The following BMPR1B variants were observed in gnomAD, a reference collection of about 807,000 sequenced individuals.
The protein encoded by BMPR1B is bone morphogenetic protein receptor type-1B.
In BMPR1B, 12 loss-of-function variants were observed where a neutral mutation model predicts 59.1. That is an observed-to-expected ratio of 0.20 (90% CI 0.13 to 0.33). The LOEUF (loss-of-function observed/expected upper bound fraction) is 0.33, where lower values mean the gene tolerates loss of function less well. Ranked by LOEUF, BMPR1B falls within the 10% of genes least tolerant of loss-of-function variation. The pLI is 1.00. For missense variants in BMPR1B, 550 were observed against 610.9 expected (o/e 0.90, Z 1.05); for synonymous variants, 237 against 207.3 (o/e 1.14, Z -1.23).
intron 1 of BMPR1B, among the ~76,000 whole-genome samples, chr4:94,843,266 G>C (rs889129778): frequency 3.3e-5 from 5 of 152,158 alleles, no homozygotes; most frequent in African/African-American, 4.8e-5. Flanking sequence ...CCTTTGCCAG[G>C]TAAATTTGTG....
At chr4:94,765,718 T>C (rs954769562) in intron 1 of BMPR1B, among the ~76,000 whole-genome samples, 1 of 152,220 alleles carries the variant, frequency 6.6e-6, no homozygotes, top group African/African-American at 2.4e-5. Context: ...TGAGGTAATA[T>C]GAGCTATTCG....
At chr4:94,888,069 T>C (rs1727251269) in intron 2 of BMPR1B, among the ~76,000 whole-genome samples, 1 of 152,080 alleles carries the variant, frequency 6.6e-6, no homozygotes, top group Admixed American at 6.6e-5. Flanking sequence ...AAGGAAACAA[T>C]GGAACAGTTT....
intron 1 of BMPR1B, among the ~76,000 whole-genome samples, chr4:94,842,015 A>C (rs1245030994): frequency 6.6e-6 from 1 of 152,194 alleles, no homozygotes; most frequent in Non-Finnish European, 1.5e-5. Context: ...GGAAGTGAGA[A>C]GACAGAGATG....
At chr4:94,922,177 G>A (rs1468317005) in intron 2 of BMPR1B, among the ~76,000 whole-genome samples, 2 of 151,974 alleles carry the variant, frequency 1.3e-5, no homozygotes, top group African/African-American at 4.8e-5. Context: ...GTCTTCCAGT[G>A]TTGCCCCATC....
intron 2 of BMPR1B, among the ~76,000 whole-genome samples, chr4:94,981,005 A>ACGCGTACGCGCGCG: frequency 8.1e-6 from 1 of 122,798 alleles, no homozygotes; most frequent in East Asian, 2.0e-4. Context: ...ACACACACAC[A>ACGCGTACGCGCGCG]CACACACACA....
intron 2 of BMPR1B, among the ~76,000 whole-genome samples, chr4:94,960,748 G>C (rs1560568481): frequency 6.6e-6 from 1 of 151,910 alleles, no homozygotes; most frequent in Non-Finnish European, 1.5e-5. Flanking sequence ...AGTTTAGAGA[G>C]AATTAATGAT....
chr4:95,104,908 TTTTGTTTG>T (rs3841975), intron 4 of BMPR1B, among the ~76,000 whole-genome samples: 16 of 151,430 alleles, frequency 1.1e-4, no homozygotes, highest in Admixed American at 4.0e-4. Flanking sequence ...ATGCGTGTGA[TTTTGTTTG>T]TTTGTTTGTT....
intron 1 of BMPR1B, among the ~76,000 whole-genome samples, chr4:94,760,299 G>A (rs1235796653): frequency 6.6e-6 from 1 of 152,078 alleles, no homozygotes; most frequent in Non-Finnish European, 1.5e-5. Context: ...TGCTGCCACG[G>A]CCTGCTTATG....
rs886059745 is a variant in BMPR1B at position 95,158,147 on chromosome 4, A to G, written c.*3474A>G. On this transcript the variant is annotated 3_prime_UTR_variant, in exon 13 of 13. Coordinates refer to ENST00000515059, the MANE Select transcript of BMPR1B (RefSeq NM_001203.3). Reference sequence around the variant, plus strand: ...GAAAACCCAGACACATAGCAGTGGAAATGAAAGAAATGGCATCAGAAGTGA... The same window carrying G: ...GAAAACCCAGACACATAGCAGTGGAGATGAAAGAAATGGCATCAGAAGTGA... The G allele has an allele frequency of 2.6e-5, 4 of 152,220 alleles. No homozygotes were observed. The highest frequency in any genetic ancestry group is 9.6e-5 in the African/African-American group (4 of 41,464). 9.4% of individuals were successfully genotyped at this position (152,220 alleles called of 1,614,324 possible).
intron 1 of BMPR1B, among the ~76,000 whole-genome samples, chr4:94,796,114 C>T (rs553271058): frequency 8.6e-5 from 13 of 151,746 alleles, no homozygotes; most frequent in Non-Finnish European, 1.3e-4. Context: ...ACAGGTATGC[C>T]GCACCATGCC....
At chr4:94,966,176 GTGT>G (rs1374505854) in intron 2 of BMPR1B, among the ~76,000 whole-genome samples, 1 of 152,152 alleles carries the variant, frequency 6.6e-6, no homozygotes, top group African/African-American at 2.4e-5. Context: ...ACTTAGTACT[GTGT>G]TGTTTCTGAT....
intron 2 of BMPR1B, among the ~76,000 whole-genome samples, chr4:94,948,833 A>G (rs923153942): frequency 3.9e-5 from 6 of 152,218 alleles, no homozygotes; most frequent in African/African-American, 1.4e-4. Flanking sequence ...GCGTATAGAT[A>G]GAGAGATGAG....
intron 3 of BMPR1B, among the ~76,000 whole-genome samples, chr4:95,029,064 TTC>T (rs1459271623): frequency 4.6e-5 from 2 of 43,636 alleles, no homozygotes; most frequent in Non-Finnish European, 9.6e-5. Context: ...CAGAAACATT[TTC>T]TTTTTATTTA....
intron 2 of BMPR1B, among the ~76,000 whole-genome samples, chr4:94,939,253 C>A (rs1453473568): frequency 6.6e-6 from 1 of 152,042 alleles, no homozygotes; most frequent in Non-Finnish European, 1.5e-5. Context: ...GCTACACCTG[C>A]AAATTTAAAT....
intron 3 of BMPR1B, among the ~76,000 whole-genome samples, chr4:95,078,046 C>T (rs185920509): frequency 3.3e-5 from 5 of 152,248 alleles, no homozygotes; most frequent in Admixed American, 2.6e-4. Context: ...GTGTACTGTT[C>T]TCCACGTTGG....
intron 1 of BMPR1B, among the ~76,000 whole-genome samples, chr4:94,843,094 ACT>A (rs1267889855): frequency 3.3e-5 from 5 of 152,058 alleles, no homozygotes; most frequent in African/African-American, 9.7e-5. Context: ...ACTTATATTA[ACT>A]CTGAAAAAAA....
intron 2 of BMPR1B, among the ~76,000 whole-genome samples, chr4:94,928,986 A>G (rs977776922): frequency 1.6e-4 from 24 of 152,280 alleles, no homozygotes; most frequent in African/African-American, 5.8e-4. Context: ...AAGAACAAAT[A>G]AAATGATTTG....
intron 11 of BMPR1B, among the ~76,000 whole-genome samples, chr4:95,149,739 G>A (rs949094729): frequency 1.3e-5 from 2 of 152,142 alleles, no homozygotes; most frequent in Non-Finnish European, 2.9e-5. Flanking sequence ...CTATCTTCAT[G>A]AAAACATGAG....
intron 1 of BMPR1B, among the ~76,000 whole-genome samples, chr4:94,849,843 A>G (rs990743448): frequency 3.3e-5 from 5 of 150,826 alleles, no homozygotes; most frequent in Non-Finnish European, 7.4e-5. Flanking sequence ...TGGGAACAAG[A>G]AGTAAGGAAG....
Sources: allele counts gnomAD v4.1 joint callset (sites outside exome capture counted in the v4.1 genomes callset), GRCh38; gene constraint gnomAD v4.1.1; transcripts MANE v1.5; gene names NCBI Gene and HGNC (gene_info 2026-07-23, HGNC 2026-07-21).